The following PRKCB variants were observed in gnomAD, a reference collection of about 807,000 sequenced individuals.
PRKCB encodes protein kinase C beta, also known as protein kinase C beta type.
A neutral mutation model predicts 81.5 loss-of-function variants in PRKCB; 13 were observed. The ratio of observed to expected loss-of-function variants is 0.16; its 90% confidence interval spans 0.10 to 0.25. The LOEUF (loss-of-function observed/expected upper bound fraction) is 0.25, where lower values mean the gene tolerates loss of function less well. Among genes scored for constraint, PRKCB ranks in the 10% least tolerant of loss-of-function variants. PRKCB has a pLI of 1.00. For missense variants in PRKCB, 509 were observed against 875.7 expected (o/e 0.58, Z 5.29); for synonymous variants, 335 against 321.4 (o/e 1.04, Z -0.45).
At chr16:23,910,891 A>G (rs968375320) in intron 2 of PRKCB, among the ~76,000 whole-genome samples, 14 of 151,774 alleles carry the variant, frequency 9.2e-5, no homozygotes, top group Non-Finnish European at 1.9e-4. Context: ...AGATTTGCCT[A>G]TCCTAGACAT....
At chr16:24,109,529 C>T (rs1439532098) in intron 7 of PRKCB, among the ~76,000 whole-genome samples, 2 of 120,360 alleles carry the variant, frequency 1.7e-5, no homozygotes, top group Middle Eastern at 5.0e-3. Context: ...CAGAGACGCT[C>T]CTCACTTCCT....
At chr16:23,877,843 C>CTTT (rs148984005) in intron 2 of PRKCB, among the ~76,000 whole-genome samples, 2 of 148,590 alleles carry the variant, frequency 1.3e-5, no homozygotes. Flanking sequence ...TTTTTTTTTC[C>CTTT]TTTTTTTCAA....
chr16:24,215,118 T>A lies in PRKCB; in HGVS notation c.*302T>A. ...CCCAATGGGGAGAGAAAATGCCTGC[T>A]TTCTTTCCCTCTTTTTCTGCACTGC... On this transcript the variant is annotated 3_prime_UTR_variant, in exon 17 of 17. Coordinates refer to ENST00000643927, the MANE Select transcript of PRKCB (RefSeq NM_002738.7). The A allele has an allele frequency of 9.1e-7, 1 of 1,102,648 alleles. No individual in the cohort carries two copies. Among genetic ancestry groups the A allele is most frequent in the Non-Finnish European group, 1.1e-6 (1 of 900,826 alleles). 68.3% of individuals were successfully genotyped at this position (1,102,648 alleles called of 1,614,324 possible).
At chr16:23,923,227 T>C (rs1225353684) in intron 2 of PRKCB, among the ~76,000 whole-genome samples, 1 of 152,074 alleles carries the variant, frequency 6.6e-6, no homozygotes, top group Non-Finnish European at 1.5e-5. Flanking sequence ...CCTTCAGGTA[T>C]TGTCTGATCC....
chr16:23,941,874 A>G (rs1334082209), intron 2 of PRKCB, among the ~76,000 whole-genome samples: 1 of 152,234 alleles, frequency 6.6e-6, no homozygotes, highest in Non-Finnish European at 1.5e-5. Flanking sequence ...GTTATTTGTC[A>G]TTGTTTTGGA....
At chr16:24,108,170 C>T (rs866048170) in intron 7 of PRKCB, among the ~76,000 whole-genome samples, 14 of 142,662 alleles carry the variant, frequency 9.8e-5, no homozygotes, top group African/African-American at 1.3e-4. Context: ...ATTTTTTTTT[C>T]TTTTTTTTTT....
chr16:24,012,291 T>G (rs533582674), intron 3 of PRKCB, among the ~76,000 whole-genome samples: 103 of 152,346 alleles, frequency 6.8e-4, no homozygotes, highest in African/African-American at 2.4e-3. Context: ...ATGAGAAAGA[T>G]GCTTTTTTAA....
intron 8 of PRKCB, among the ~76,000 whole-genome samples, chr16:24,120,197 G>T (rs1025395815): frequency 3.5e-4 from 53 of 152,286 alleles, no homozygotes; most frequent in African/African-American, 1.2e-3. Flanking sequence ...AGTGGCGGGG[G>T]TTGCGGGGGG....
chr16:24,070,147 ATT>A (rs761693030), intron 5 of PRKCB, among the ~76,000 whole-genome samples: 67 of 134,830 alleles, frequency 5.0e-4, no homozygotes, highest in Admixed American at 9.6e-4. Context: ...AAACCAGGGG[ATT>A]TTTTTTTTTT....
At chr16:24,128,024 A>G (rs1014729298) in intron 9 of PRKCB, among the ~76,000 whole-genome samples, 6 of 152,072 alleles carry the variant, frequency 3.9e-5, no homozygotes, top group African/African-American at 1.2e-4. Flanking sequence ...GCTTTGGGGT[A>G]ATCTGTTTCC....
At chr16:23,872,681 A>G (rs771479932) in intron 2 of PRKCB, among the ~76,000 whole-genome samples, 1 of 152,314 alleles carries the variant, frequency 6.6e-6, no homozygotes, top group Middle Eastern at 3.4e-3. Flanking sequence ...AAAATAGAGC[A>G]AAGTGTAAAA....
chr16:24,202,397 T>A (rs1023420283), intron 16 of PRKCB, among the ~76,000 whole-genome samples: 2 of 152,324 alleles, frequency 1.3e-5, no homozygotes, highest in South Asian at 4.1e-4. Context: ...TCTCATTGAG[T>A]CATCAATGAC....
chr16:24,220,210 G>T lies in PRKCB; in HGVS notation c.*5394G>T. ...TCCAGGATTCACGGTGCACATGCTGGCATTCAACATGTGGAAAGCTTGTCT... is the reference window on the plus strand; with the variant it reads ...TCCAGGATTCACGGTGCACATGCTGTCATTCAACATGTGGAAAGCTTGTCT... On this transcript the variant is annotated 3_prime_UTR_variant, in exon 17 of 17. Coordinates refer to ENST00000643927, the MANE Select transcript of PRKCB (RefSeq NM_002738.7). 7.0e-7 allele frequency: 1 copy of T among 1,426,198 alleles called. No homozygotes were observed. The highest frequency in any genetic ancestry group is 9.6e-7 in the Non-Finnish European group (1 of 1,042,044). 88.3% of individuals were successfully genotyped at this position (1,426,198 alleles called of 1,614,324 possible). A position where few individuals can be genotyped will look rare whatever the true frequency, so the allele number is the denominator to read the frequency against.
intron 7 of PRKCB, chr16:24,098,445 G>C (rs886478735): frequency 6.6e-6 from 1 of 152,102 alleles, no homozygotes; most frequent in Non-Finnish European, 1.5e-5. Flanking sequence ...TTATCTACTA[G>C]AATGAAACAA....
At chr16:24,028,641 G>A (rs1965513171) in intron 3 of PRKCB, among the ~76,000 whole-genome samples, 1 of 152,240 alleles carries the variant, frequency 6.6e-6, no homozygotes, top group South Asian at 2.1e-4. Flanking sequence ...GAATGCTGCT[G>A]CATGTGTCAA....
intron 2 of PRKCB, among the ~76,000 whole-genome samples, chr16:23,977,703 T>C (rs1482810940): frequency 1.3e-5 from 2 of 152,114 alleles, no homozygotes; most frequent in East Asian, 3.9e-4. Flanking sequence ...TGTATACTCG[T>C]TTGTAATGTT....
intron 10 of PRKCB, among the ~76,000 whole-genome samples, chr16:24,166,044 A>G (rs1045811531): frequency 3.3e-5 from 5 of 150,940 alleles, no homozygotes; most frequent in South Asian, 2.1e-4. Flanking sequence ...GTGTCACCAT[A>G]CCTGGCTAAT....
intron 8 of PRKCB, among the ~76,000 whole-genome samples, chr16:24,116,735 C>G (rs914576757): frequency 2.0e-5 from 3 of 152,098 alleles, no homozygotes; most frequent in Non-Finnish European, 4.4e-5. Context: ...CACTTTCTGT[C>G]TCTTTCCCCC....
intron 2 of PRKCB, among the ~76,000 whole-genome samples, chr16:23,882,022 C>CTTTCTCTTTCTTTCTTTCTTTCTCT (rs1567301134): frequency 1.7e-5 from 1 of 57,420 alleles, no homozygotes; most frequent in Admixed American, 2.0e-4. Flanking sequence ...TTCTTTCTTT[C>CTTTCTCTTTCTTTCTTTCTTTCTCT]TTCCTTCCTT....
Sources: gnomAD v4.1 joint callset for allele counts (sites outside exome capture counted in the v4.1 genomes callset) on GRCh38, gnomAD v4.1.1 for gene constraint, MANE v1.5 for transcripts, NCBI Gene and HGNC (gene_info 2026-07-23, HGNC 2026-07-21) for gene names.